The following TASP1 variants were observed in gnomAD, a reference collection of about 807,000 sequenced individuals.
The protein encoded by TASP1 is taspase 1, also known as threonine aspartase 1.
A neutral mutation model predicts 56.6 loss-of-function variants in TASP1; 16 were observed. The ratio of observed to expected loss-of-function variants is 0.28; its 90% CI spans 0.19 to 0.43. TASP1 has a LOEUF of 0.43. Among genes scored for constraint, TASP1 ranks in the 20% least tolerant of loss-of-function variants. TASP1 has a pLI of 1.00. For synonymous variants in TASP1, 179 were observed against 184.2 expected, an observed-to-expected ratio of 0.97 and a Z score of 0.23; for missense variants, 393 against 511.6, an observed-to-expected ratio of 0.77 and a Z score of 2.24.
At chr20:13,194,585 GTA>G in the TASP1 span, among the ~76,000 whole-genome samples, 180 of 124,528 alleles carry the variant, frequency 1.4e-3, 1 homozygote, top group African/African-American at 6.9e-3. Context: ...GTGTGTGTGT[GTA>G]TGTGTGTTTC....
At chr20:13,135,461 A>G in the TASP1 span, among the ~76,000 whole-genome samples, 1 of 152,156 alleles carries the variant, frequency 6.6e-6, no homozygotes, top group Non-Finnish European at 1.5e-5. Flanking sequence ...TTGAAAAAAG[A>G]TGATCTGCTT....
intron 13 of TASP1, among the ~76,000 whole-genome samples, chr20:13,407,678 T>C (rs1040321633): frequency 2.0e-5 from 3 of 152,178 alleles, no homozygotes; most frequent in South Asian, 2.1e-4. Context: ...AGCAGCACCA[T>C]TTTTACATTC....
At chr20:13,585,502 G>T (rs1462982229) in intron 5 of TASP1, among the ~76,000 whole-genome samples, 1 of 151,994 alleles carries the variant, frequency 6.6e-6, no homozygotes, top group Non-Finnish European at 1.5e-5. Context: ...ATCAATAAAA[G>T]ATATAATCAA....
intron 6 of TASP1, among the ~76,000 whole-genome samples, chr20:13,572,191 T>C (rs2046738821): frequency 6.6e-6 from 1 of 152,206 alleles, no homozygotes; most frequent in South Asian, 2.1e-4. Flanking sequence ...CTCAAGCATT[T>C]AGAACAGTGC....
chr20:13,469,203 T>C (rs2044378623), intron 11 of TASP1, among the ~76,000 whole-genome samples: 2 of 152,228 alleles, frequency 1.3e-5, no homozygotes, highest in African/African-American at 4.8e-5. Context: ...TATTTCCAGT[T>C]ATCAAAATTT....
intron 8 of TASP1, among the ~76,000 whole-genome samples, chr20:13,554,208 C>T (rs879805116): frequency 6.6e-6 from 1 of 152,104 alleles, no homozygotes; most frequent in Non-Finnish European, 1.5e-5. Context: ...CATCAGAAAC[C>T]TAAACTAATG....
intron 10 of TASP1, among the ~76,000 whole-genome samples, chr20:13,495,372 C>A (rs944185011): frequency 2.0e-5 from 3 of 152,128 alleles, no homozygotes; most frequent in African/African-American, 7.2e-5. Flanking sequence ...AGAAAAAAGT[C>A]TTAAATCTGC....
rs1246920761 is a variant in TASP1 at position 13,421,953 on chromosome 20, C to CTTATTTTTTTTTT, written c.1097-4433_1097-4432insAAAAAAAAAATAA. ...TATTTTATATGTGTTTCTGTTTAAC[C>CTTATTTTTTTTTT]TTTTTTTTTTTTTTTTTTGACAGAG... On this transcript the variant is annotated intron_variant, in intron 12 of 13. Transcript: ENST00000337743. 1.9e-3 allele frequency among the ~76,000 whole-genome samples: 264 copies of CTTATTTTTTTTTT among 139,020 alleles called. 2 individuals are homozygous for CTTATTTTTTTTTT. Among genetic ancestry groups the CTTATTTTTTTTTT allele is most frequent in the African/African-American group, 6.6e-3 (244 of 36,898 alleles). 91.2% of individuals were successfully genotyped at this position (139,020 alleles called of 152,430 possible).
At chr20:13,542,213 T>C (rs1456459377) in intron 8 of TASP1, among the ~76,000 whole-genome samples, 2 of 152,072 alleles carry the variant, frequency 1.3e-5, no homozygotes, top group Admixed American at 1.3e-4. Context: ...ACCAAGCAGA[T>C]ATCAATCCAA....
At chr20:13,377,224 CTTA>C in the TASP1 span, among the ~76,000 whole-genome samples, 2 of 152,160 alleles carry the variant, frequency 1.3e-5, no homozygotes, top group Non-Finnish European at 2.9e-5. Context: ...ATAAATAGCT[CTTA>C]TTATTTTGAG....
chr20:13,417,431 C>G lies in TASP1; in HGVS notation c.1170+17G>C. 1.2e-6 allele frequency: 2 copies of G among 1,613,866 alleles called. No individual in the cohort carries two copies. Among genetic ancestry groups the G allele is most frequent in the South Asian group, 1.1e-5 (1 of 91,054 alleles). ...GGCTACAAGGTTTTCAGGTTATGACCGTTTTTTCCCACTTACCTTGGCTTT... is the reference window on the plus strand; with the variant it reads ...GGCTACAAGGTTTTCAGGTTATGACGGTTTTTTCCCACTTACCTTGGCTTT... On this transcript the variant is annotated intron_variant, in intron 13 of 13. Transcript: ENST00000337743.
chr20:13,536,660 A>G (rs561383408), intron 8 of TASP1, among the ~76,000 whole-genome samples: 1 of 152,128 alleles, frequency 6.6e-6, no homozygotes, highest in Admixed American at 6.6e-5. Context: ...AATTCTGGAA[A>G]TTTTTACACA....
the TASP1 span, chr20:13,239,097 G>GA: frequency 6.6e-6 from 1 of 152,140 alleles, no homozygotes; most frequent in Non-Finnish European, 1.5e-5. Context: ...ACATCAACTA[G>GA]AAAAAAACTG....
the TASP1 span, among the ~76,000 whole-genome samples, chr20:13,180,409 T>C: frequency 2.0e-5 from 3 of 152,160 alleles, no homozygotes; most frequent in African/African-American, 7.2e-5. Context: ...AGCTTCCCCA[T>C]CATGTCCACC....
the TASP1 span, among the ~76,000 whole-genome samples, chr20:13,364,220 CTAA>C: frequency 6.6e-6 from 1 of 151,988 alleles, no homozygotes; most frequent in African/African-American, 2.4e-5. Context: ...TTTTGGAGTT[CTAA>C]TAATAAGAAA....
chr20:13,207,407 C>T, the TASP1 span, among the ~76,000 whole-genome samples: 1 of 152,208 alleles, frequency 6.6e-6, no homozygotes, highest in Non-Finnish European at 1.5e-5. Flanking sequence ...ACCAATAAGA[C>T]ATAGGTATAG....
chr20:13,634,910 C>T (rs893263601), intron 1 of TASP1, among the ~76,000 whole-genome samples: 1 of 152,008 alleles, frequency 6.6e-6, no homozygotes, highest in Non-Finnish European at 1.5e-5. Context: ...TGCCTGTAAT[C>T]CCAGCTACTC....
At chr20:13,359,606 G>T in the TASP1 span, among the ~76,000 whole-genome samples, 1 of 150,964 alleles carries the variant, frequency 6.6e-6, no homozygotes, top group Admixed American at 6.6e-5. Flanking sequence ...AACTGTTGTG[G>T]GTATTGACGG....
the TASP1 span, among the ~76,000 whole-genome samples, chr20:13,175,532 A>G: frequency 1.3e-5 from 2 of 152,204 alleles, no homozygotes; most frequent in Non-Finnish European, 2.9e-5. Flanking sequence ...TTAGACTACA[A>G]AAATCCACCC....
Sources: gnomAD v4.1 joint callset for allele counts (sites outside exome capture counted in the v4.1 genomes callset) on GRCh38, gnomAD v4.1.1 for gene constraint, MANE v1.5 for transcripts, NCBI Gene and HGNC (gene_info 2026-07-23, HGNC 2026-07-21) for gene names.